NPAS3: variants seen among roughly 807,000 people sequenced by gnomAD.
The protein encoded by NPAS3 is neuronal PAS domain-containing protein 3.
NPAS3 carries 14 observed loss-of-function variants against 73.1 expected under a neutral mutation model. The observed-to-expected ratio is 0.19, with a 90% confidence interval of 0.13 to 0.30. The LOEUF is 0.30. NPAS3 is among the 10% of genes least tolerant of loss of function. The probability of loss-of-function intolerance (pLI) is 1.00; values close to 1 mark genes in which losing one functional copy is unlikely to be tolerated. For missense variants in NPAS3, 1,096 were observed against 1,250.0 expected (o/e 0.88, Z 1.86); for synonymous variants, 620 against 541.5 (o/e 1.14, Z -2.01).
At chr14:32,957,912 T>G (rs2036746870) in intron 1 of NPAS3, among the ~76,000 whole-genome samples, 1 of 152,130 alleles carries the variant, frequency 6.6e-6, no homozygotes, top group Admixed American at 6.5e-5. Flanking sequence ...GATGGGACAT[T>G]TTGTAGCATA....
At chr14:33,573,217 C>T (rs2056298862) in intron 5 of NPAS3, among the ~76,000 whole-genome samples, 1 of 152,062 alleles carries the variant, frequency 6.6e-6, no homozygotes, top group South Asian at 2.1e-4. Flanking sequence ...TGACACTCAA[C>T]CACGCTTTTA....
intron 1 of NPAS3, among the ~76,000 whole-genome samples, chr14:32,986,010 C>A (rs886867683): frequency 6.6e-6 from 1 of 152,216 alleles, no homozygotes; most frequent in Non-Finnish European, 1.5e-5. Context: ...ATTGTCACTA[C>A]AGCCCTGAGA....
chr14:33,642,671 T>A (rs548600003), intron 5 of NPAS3, among the ~76,000 whole-genome samples: 1 of 152,308 alleles, frequency 6.6e-6, no homozygotes, highest in East Asian at 1.9e-4. Context: ...AAAACTGCAT[T>A]GTGCCTGCTT....
At position 33,196,084 on chromosome 14, in the gene NPAS3, T is replaced by C. The variant is rs530381438; in HGVS notation, c.141-19098T>C. 2.6e-5 allele frequency among the ~76,000 whole-genome samples: 4 copies of C among 152,356 alleles called. No individual in the cohort carries two copies. The South Asian group carries it at 6.2e-4, about 24-fold the overall frequency. ...AAATGTCTTGAAGTCACACAGCTAT[T>C]ACTGGCAGAGTTCGGCCAGCGCTAA... On this transcript the variant is annotated intron_variant, in intron 2 of 11. Transcript: ENST00000356141.
chr14:33,547,437 A>G (rs1272171344), intron 4 of NPAS3, among the ~76,000 whole-genome samples: 2 of 152,218 alleles, frequency 1.3e-5, no homozygotes, highest in African/African-American at 4.8e-5. Flanking sequence ...AAAATTTGTC[A>G]GTAATCATTA....
intron 5 of NPAS3, among the ~76,000 whole-genome samples, chr14:33,670,002 G>C (rs1019474182): frequency 6.6e-6 from 1 of 152,094 alleles, no homozygotes; most frequent in East Asian, 1.9e-4. Context: ...TGCAACCTCG[G>C]CCTCCCAGGC....
intron 10 of NPAS3, among the ~76,000 whole-genome samples, chr14:33,796,916 A>G (rs1172321519): frequency 6.6e-6 from 1 of 152,216 alleles, no homozygotes; most frequent in Non-Finnish European, 1.5e-5. Context: ...GTGTGTTGAC[A>G]GTTTGGTAGC....
chr14:33,363,238 G>A (rs1050036975), intron 3 of NPAS3, among the ~76,000 whole-genome samples: 1 of 152,080 alleles, frequency 6.6e-6, no homozygotes, highest in Non-Finnish European at 1.5e-5. Flanking sequence ...GGGAGGGCCT[G>A]GTGTATTCCC....
At chr14:33,792,724 T>C (rs2063396689) in intron 9 of NPAS3, among the ~76,000 whole-genome samples, 1 of 152,256 alleles carries the variant, frequency 6.6e-6, no homozygotes, top group South Asian at 2.1e-4. Context: ...AGATGATTAA[T>C]GCAAATACAT....
At chr14:33,480,583 C>G (rs2051279830) in intron 4 of NPAS3, among the ~76,000 whole-genome samples, 2 of 144,622 alleles carry the variant, frequency 1.4e-5, no homozygotes, top group South Asian at 4.7e-4. Context: ...CTCTCTCTCT[C>G]TCCCTTTCTC....
chr14:33,473,188 G>T (rs1477830240), intron 4 of NPAS3, among the ~76,000 whole-genome samples: 1 of 152,148 alleles, frequency 6.6e-6, no homozygotes, highest in Non-Finnish European at 1.5e-5. Flanking sequence ...TGGCAGAGAC[G>T]CTAGCATTCT....
intron 2 of NPAS3, among the ~76,000 whole-genome samples, chr14:33,058,431 A>G (rs2040969282): frequency 1.3e-5 from 2 of 152,204 alleles, no homozygotes; most frequent in South Asian, 2.1e-4. Flanking sequence ...CCATGAAAGC[A>G]GGTGCATCTT....
chr14:33,540,060 T>C (rs1297132544), intron 4 of NPAS3, among the ~76,000 whole-genome samples: 6 of 152,204 alleles, frequency 3.9e-5, no homozygotes, highest in Non-Finnish European at 8.8e-5. Flanking sequence ...GTTTTGTGTG[T>C]TTGCTTACAA....
At chr14:33,176,906 C>G (rs1029362913) in intron 2 of NPAS3, among the ~76,000 whole-genome samples, 5 of 151,810 alleles carry the variant, frequency 3.3e-5, no homozygotes, top group African/African-American at 9.7e-5. Flanking sequence ...TCTTTTAAAT[C>G]ATAGCCATCC....
intron 1 of NPAS3, among the ~76,000 whole-genome samples, chr14:32,987,211 C>G (rs1010876665): frequency 1.3e-5 from 2 of 149,402 alleles, no homozygotes; most frequent in South Asian, 4.2e-4. Context: ...TAAAAATACA[C>G]AAGTTTGTGT....
At chr14:33,268,502 T>G (rs533406127) in intron 3 of NPAS3, among the ~76,000 whole-genome samples, 1 of 152,320 alleles carries the variant, frequency 6.6e-6, no homozygotes, top group African/African-American at 2.4e-5. Flanking sequence ...TTGATGTTTA[T>G]TTGCTATGGA....
At chr14:33,088,063 C>T (rs996246692) in intron 2 of NPAS3, among the ~76,000 whole-genome samples, 3 of 152,174 alleles carry the variant, frequency 2.0e-5, no homozygotes, top group Admixed American at 2.0e-4. Flanking sequence ...GGTGCGGTTC[C>T]AAGATCGCGG....
rs532380787 is a variant in NPAS3, at chr14:33,136,580, T to A, written c.141-78602T>A. Among the ~76,000 whole-genome samples, 5 of 152,258 alleles carry A rather than the reference T, an allele frequency of 3.3e-5. No individual in the cohort carries two copies. The South Asian group carries it at 1.0e-3, about 32-fold the overall frequency. On this transcript the variant is annotated intron_variant, in intron 2 of 11. Coordinates refer to ENST00000356141, the Ensembl canonical transcript of NPAS3. ...AACTGAAGAAACTGAGACCCTGGGG[T>A]GGTGAAACTCACCCCAAGTTGTATA... is the stretch of plus-strand genomic sequence containing the variant.
intron 9 of NPAS3, among the ~76,000 whole-genome samples, chr14:33,786,958 A>C (rs2063193449): frequency 6.6e-6 from 1 of 152,206 alleles, no homozygotes; most frequent in African/African-American, 2.4e-5. Flanking sequence ...GATTGAATGA[A>C]TAAATCCACC....
Sources: allele counts gnomAD v4.1 joint callset (sites outside exome capture counted in the v4.1 genomes callset), GRCh38; gene constraint gnomAD v4.1.1; transcripts MANE v1.5; gene names NCBI Gene and HGNC (gene_info 2026-07-23, HGNC 2026-07-21).